The following ANKRD10 variants were observed in gnomAD, a reference collection of about 807,000 sequenced individuals.
ANKRD10 encodes ankyrin repeat domain 10, also known as ankyrin repeat domain-containing protein 10.
Under a neutral mutation model 27.0 loss-of-function variants are expected in ANKRD10, and 14 were observed. The ratio of observed to expected loss-of-function variants is 0.52; its 90% CI spans 0.34 to 0.81. ANKRD10 has a LOEUF of 0.81. Among genes scored for constraint, ANKRD10 ranks in the 40% least tolerant of loss-of-function variants. The pLI, the probability that ANKRD10 is intolerant of heterozygous loss-of-function variation, is 0.01. For missense variants in ANKRD10, 493 were observed against 544.0 expected (o/e 0.91, Z 0.93); for synonymous variants, 250 against 224.5 (o/e 1.11, Z -1.01).
chr13:110,899,952 C>A (rs1376299396), intron 3 of ANKRD10, among the ~76,000 whole-genome samples: 1 of 152,144 alleles, frequency 6.6e-6, no homozygotes, highest in Non-Finnish European at 1.5e-5. Flanking sequence ...TGGCTCAACC[C>A]TATAATCCTG....
At chr13:110,884,228 T>C (rs761663904) in intron 4 of ANKRD10, among the ~76,000 whole-genome samples, 2 of 152,046 alleles carry the variant, frequency 1.3e-5, no homozygotes, top group Non-Finnish European at 2.9e-5. Context: ...AAAAAAATAA[T>C]GTAAAGGCTA....
At position 110,892,415 on chromosome 13, in the gene ANKRD10, G is replaced by GAAAAAAAAAAAAAAA. The variant is rs1381734881; in HGVS notation, c.691+612_691+613insTTTTTTTTTTTTTTT. Among the ~76,000 whole-genome samples, 8 of 2,590 alleles carry GAAAAAAAAAAAAAAA rather than the reference G, an allele frequency of 3.1e-3. 1 individual carries two copies. The highest frequency in any genetic ancestry group is 0.12 in the Middle Eastern group (1 of 8). The allele number at this position is 2,590 out of a possible 152,430, so 1.7% of individuals were successfully genotyped here. Reference sequence around the variant, plus strand: ...ATTGCACTCCAGCCTGGGTGACAGAGCAAAAAAAAAAAAAAAAAAAATGGT... The same window carrying GAAAAAAAAAAAAAAA: ...ATTGCACTCCAGCCTGGGTGACAGAGAAAAAAAAAAAAAAACAAAAAAAAAAAAAAAAAAAATGGT... On this transcript the variant is annotated intron_variant, in intron 4 of 5. Transcript: ENST00000267339.
intron 3 of ANKRD10, among the ~76,000 whole-genome samples, chr13:110,896,616 C>G (rs960941542): frequency 6.6e-6 from 1 of 152,164 alleles, no homozygotes; most frequent in South Asian, 2.1e-4. Flanking sequence ...CCAGAAGGCA[C>G]TTTTCTAAAA....
At chr13:110,883,061 T>C (rs2064848347) in intron 5 of ANKRD10, 1 of 152,222 alleles carries the variant, frequency 6.6e-6, no homozygotes, top group Non-Finnish European at 1.5e-5. Flanking sequence ...TGTTTTAATA[T>C]ACTAAAAACA....
chr13:110,882,025 AAC>A (rs2064829479), intron 5 of ANKRD10, among the ~76,000 whole-genome samples: 1 of 152,062 alleles, frequency 6.6e-6, no homozygotes, highest in Admixed American at 6.6e-5. Context: ...CGAACATCCA[AAC>A]ACAATGCTGG....
chr13:110,885,586 A>G (rs2064908707), intron 4 of ANKRD10, among the ~76,000 whole-genome samples: 1 of 152,004 alleles, frequency 6.6e-6, no homozygotes, highest in African/African-American at 2.4e-5. Flanking sequence ...AGAAAAAAGA[A>G]TGGGAGAGGG....
intron 1 of ANKRD10, among the ~76,000 whole-genome samples, chr13:110,913,192 CACTG>C (rs568246903): frequency 5.4e-4 from 83 of 152,312 alleles, no homozygotes; most frequent in South Asian, 3.3e-3. Flanking sequence ...GATCGTTGTT[CACTG>C]ACTATCACCC....
chr13:110,892,832 C>T (rs183042634), intron 4 of ANKRD10, 196 bp downstream of exon 4: 15 of 1,373,308 alleles, frequency 1.1e-5, no homozygotes, highest in Admixed American at 6.4e-5. Flanking sequence ...CAGTATTTCC[C>T]TCACATTCCC....
chr13:110,904,200 C>T (rs1451022325), intron 3 of ANKRD10: 1 of 152,096 alleles, frequency 6.6e-6, no homozygotes, highest in South Asian at 2.1e-4. Context: ...AATACTTCTT[C>T]TAAAAAAAAT....
At chr13:110,897,135 G>T (rs1244132491) in intron 3 of ANKRD10, among the ~76,000 whole-genome samples, 1 of 151,846 alleles carries the variant, frequency 6.6e-6, no homozygotes, top group Non-Finnish European at 1.5e-5. Flanking sequence ...AGTAACCACT[G>T]TTTTTTAAAG....
intron 4 of ANKRD10, 60 bp downstream of exon 4, chr13:110,892,965 AAAG>A: frequency 6.3e-7 from 1 of 1,587,290 alleles, no homozygotes; most frequent in African/African-American, 1.4e-5. Context: ...TCAGCCATAA[AAAG>A]AAAACATATT....
At chr13:110,913,988 C>T (rs1026661712) in intron 1 of ANKRD10, among the ~76,000 whole-genome samples, 20 of 152,198 alleles carry the variant, frequency 1.3e-4, no homozygotes, top group Non-Finnish European at 2.6e-4. Flanking sequence ...AAAGCCTCCA[C>T]GGGAAGAGAA....
chr13:110,894,167 G>A (rs1247924132), intron 3 of ANKRD10: 1 of 1,612,258 alleles, frequency 6.2e-7, no homozygotes, highest in Non-Finnish European at 8.5e-7. Context: ...AAGTTCCCCT[G>A]GAAGACAAGA....
In ANKRD10 at chr13:110,880,109, A is replaced by G. The variant is rs1272496744; in HGVS notation, c.791T>C (p.Met264Thr). The change falls in exon 6 of 6, where the codon ATG becomes ACG. Residue 264 changes from methionine (M) to threonine (T), a missense_variant. Physicochemically the swap from Met to Thr is moderately conservative, Grantham distance 81. Coordinates refer to ENST00000267339, the MANE Select transcript of ANKRD10 (RefSeq NM_017664.4). Reference sequence around the variant, plus strand: ...ATTCGATACGGAGCTACTGTTTTTCATATCTGCATTAAGAAATACACCTGT... The same window carrying G: ...ATTCGATACGGAGCTACTGTTTTTCGTATCTGCATTAAGAAATACACCTGT... ...VDREFAVVTD[M>T]KNSSSVSNTL... 4.3e-6 allele frequency: 7 copies of G among 1,611,200 alleles called. No individual in the cohort carries two copies. The highest frequency in any genetic ancestry group is 5.9e-6 in the Non-Finnish European group (7 of 1,177,920).
rs772951945 is a variant in ANKRD10, at chr13:110,883,767, G to A, written c.718C>T (p.Leu240Phe). 5 of 1,614,184 alleles carry A rather than the reference G, an allele frequency of 3.1e-6. No individual in the cohort carries two copies. Among genetic ancestry groups the A allele is most frequent in the South Asian group, 2.2e-5 (2 of 91,076 alleles). Residue 240 changes from leucine (L) to phenylalanine (F), a missense_variant, in exon 5 of 6, where the codon CTC (leucine) becomes TTC (phenylalanine). Leu to Phe is a conservative substitution (Grantham distance 22). Transcript: ENST00000267339. The stretch of plus-strand genomic sequence containing the variant: ...TCGTCTTCTGTGTCGCCATTCGTGA[G>A]TGGCACGGCAGAATCCAAGCTTTGA... ...EAQSLDSAVP[L>F]TNGDTEDDAD...
rs1274497609 is a variant in ANKRD10, at chr13:110,914,567, CGCACAGGCGCCCTAGGCCCCTCGGG to C, written c.210+133_210+157del. The C allele has an allele frequency of 3.6e-4, 391 of 1,071,454 alleles. No individual in the cohort carries two copies. The Admixed American group carries it at 3.8e-3, about 10-fold the overall frequency. 66.4% of individuals were successfully genotyped at this position (1,071,454 alleles called of 1,614,324 possible). Reference sequence around the variant, plus strand: ...CGCGACTCCGGGCCGCGAGCGCTGCCGCACAGGCGCCCTAGGCCCCTCGGGGCACAGGCGCCGTCGATCCCGCTTC... The same window carrying C: ...CGCGACTCCGGGCCGCGAGCGCTGCCGCACAGGCGCCGTCGATCCCGCTTC... On this transcript the variant is annotated intron_variant, in intron 1 of 5. Transcript: ENST00000267339.
At chr13:110,882,086 GAGA>G (rs2064830602) in intron 5 of ANKRD10, among the ~76,000 whole-genome samples, 1 of 152,146 alleles carries the variant, frequency 6.6e-6, no homozygotes, top group South Asian at 2.1e-4. Flanking sequence ...CAACCCCATA[GAGA>G]AGATCAGGAT....
intron 2 of ANKRD10, among the ~76,000 whole-genome samples, chr13:110,908,261 C>A (rs992444582): frequency 1.3e-5 from 2 of 152,040 alleles, no homozygotes; most frequent in African/African-American, 2.4e-5. Context: ...AAGACAACAT[C>A]AAATGCCAAA....
At position 110,903,723 on chromosome 13, in the gene ANKRD10, A is replaced by C. The variant is rs542947103; in HGVS notation, c.455+2310T>G. ...AGCAAATGAATTTAATAATACTGAT[A>C]TAAGGCAGCTTTTAATCTATTCACA... On this transcript the variant is annotated intron_variant, in intron 3 of 5. Coordinates refer to ENST00000267339, the MANE Select transcript of ANKRD10 (RefSeq NM_017664.4). 3.9e-5 allele frequency among the ~76,000 whole-genome samples: 6 copies of C among 152,348 alleles called. No homozygotes were observed. The South Asian group carries it at 1.2e-3, about 32-fold the overall frequency.
Sources: gnomAD v4.1 joint callset for allele counts (sites outside exome capture counted in the v4.1 genomes callset) on GRCh38, gnomAD v4.1.1 for gene constraint, MANE v1.5 for transcripts, NCBI Gene and HGNC (gene_info 2026-07-23, HGNC 2026-07-21) for gene names.